Variants in ZEB1 observed in about 807,000 individuals in gnomAD.
ZEB1 encodes zinc finger E-box binding homeobox 1.
A neutral mutation model predicts 84.9 loss-of-function variants in ZEB1; 21 were observed. That is an observed-to-expected ratio of 0.25 (90% confidence interval 0.18 to 0.36). The LOEUF is 0.36. Among genes scored for constraint, ZEB1 ranks in the 10% least tolerant of loss-of-function variants. The pLI is 1.00. For missense variants in ZEB1, 1,104 were observed against 1,330.2 expected, an observed-to-expected ratio of 0.83 and a Z score of 2.65; for synonymous variants, 420 against 471.1, an observed-to-expected ratio of 0.89 and a Z score of 1.41.
intron 1 of ZEB1, among the ~76,000 whole-genome samples, chr10:31,377,568 A>G (rs1280668549): frequency 6.6e-6 from 1 of 151,844 alleles, no homozygotes; most frequent in Non-Finnish European, 1.5e-5. Flanking sequence ...ATTCTATTCT[A>G]AAAATTATTT....
intron 3 of ZEB1, among the ~76,000 whole-genome samples, chr10:31,501,745 A>G (rs2068170055): frequency 6.6e-6 from 1 of 152,160 alleles, no homozygotes. Context: ...TAATTTATAA[A>G]TTTTATACAG....
intron 1 of ZEB1, among the ~76,000 whole-genome samples, chr10:31,381,434 A>G (rs370823162): frequency 6.6e-6 from 1 of 152,228 alleles, no homozygotes; most frequent in Non-Finnish European, 1.5e-5. Context: ...ATTAACATCC[A>G]GTGTATTTGA....
chr10:31,406,339 A>G (rs921530025), intron 1 of ZEB1, among the ~76,000 whole-genome samples: 48 of 152,152 alleles, frequency 3.2e-4, no homozygotes, highest in African/African-American at 1.1e-3. Context: ...AGTTCTGCAC[A>G]TCCTCTCCAG....
At chr10:31,497,371 C>T (rs948899397) in intron 3 of ZEB1, among the ~76,000 whole-genome samples, 2 of 151,966 alleles carry the variant, frequency 1.3e-5, no homozygotes, top group Non-Finnish European at 2.9e-5. Context: ...TGTAAATTTC[C>T]TCAAAAAAGT....
intron 1 of ZEB1, among the ~76,000 whole-genome samples, chr10:31,337,147 A>C (rs144850518): frequency 2.6e-5 from 4 of 152,334 alleles, no homozygotes; most frequent in East Asian, 1.9e-4. Flanking sequence ...AACAACTTGG[A>C]TCATCCTAGG....
chr10:31,473,633 C>T (rs1185983954), intron 2 of ZEB1, among the ~76,000 whole-genome samples: 3 of 148,940 alleles, frequency 2.0e-5, no homozygotes. Context: ...GGCCATACTG[C>T]CCAAGGTAAT....
At chr10:31,360,648 A>G (rs777733187) in intron 1 of ZEB1, among the ~76,000 whole-genome samples, 1 of 152,264 alleles carries the variant, frequency 6.6e-6, no homozygotes, top group Non-Finnish European at 1.5e-5. Context: ...GACTGAAAAT[A>G]TAAATTTAGA....
intron 1 of ZEB1, among the ~76,000 whole-genome samples, chr10:31,447,861 C>T (rs1398803539): frequency 1.3e-5 from 2 of 152,162 alleles, no homozygotes; most frequent in African/African-American, 2.4e-5. Flanking sequence ...TCCTTCATTT[C>T]AACTTTGGTG....
chr10:31,321,540 G>A (rs774304069), intron 1 of ZEB1: 3 of 1,614,012 alleles, frequency 1.9e-6, no homozygotes, highest in Admixed American at 3.3e-5. Flanking sequence ...AAGGTAAGTT[G>A]GTTCGGAAAG....
intron 1 of ZEB1, among the ~76,000 whole-genome samples, chr10:31,337,570 G>A (rs185097181): frequency 1.1e-4 from 16 of 151,098 alleles, no homozygotes; most frequent in African/African-American, 3.6e-4. Context: ...TCCTATGTAC[G>A]TATGTTTAAT....
intron 2 of ZEB1, among the ~76,000 whole-genome samples, chr10:31,466,507 A>G (rs1376275835): frequency 6.6e-6 from 1 of 152,250 alleles, no homozygotes; most frequent in Non-Finnish European, 1.5e-5. Flanking sequence ...ACACTCCTGA[A>G]CAACCAAAGG....
intron 1 of ZEB1, among the ~76,000 whole-genome samples, chr10:31,434,187 T>G (rs2058043437): frequency 6.6e-6 from 1 of 152,236 alleles, no homozygotes; most frequent in Non-Finnish European, 1.5e-5. Context: ...GTGGGCAATA[T>G]GTAATGTTTA....
At chr10:31,368,194 G>A (rs892572913) in intron 1 of ZEB1, among the ~76,000 whole-genome samples, 3 of 151,818 alleles carry the variant, frequency 2.0e-5, no homozygotes, top group African/African-American at 2.4e-5. Flanking sequence ...TTGCTCTGTC[G>A]CGCAGGCTTG....
chr10:31,442,611 G>C (rs1410086066), intron 1 of ZEB1, among the ~76,000 whole-genome samples: 1 of 151,922 alleles, frequency 6.6e-6, no homozygotes, highest in East Asian at 1.9e-4. Flanking sequence ...TAGATAATTT[G>C]GGATTCATAG....
chr10:31,389,675 C>G (rs893761744), intron 1 of ZEB1: 2 of 151,628 alleles, frequency 1.3e-5, no homozygotes, highest in African/African-American at 2.4e-5. Flanking sequence ...AAAGATAATT[C>G]GAGCCATAAA....
chr10:31,322,268 T>C (rs997541249), intron 1 of ZEB1, among the ~76,000 whole-genome samples: 1 of 152,254 alleles, frequency 6.6e-6, no homozygotes, highest in South Asian at 2.1e-4. Context: ...TTAATATTTC[T>C]TAGCAGTGCA....
rs1160633676 is a variant in ZEB1 at position 31,432,706 on chromosome 10, G to A, written c.59-28331G>A. ...AACCCTTCATTTAAAAGTGATTTAC[G>A]GCCCCAGAGTGCTTTTGACTATGTG... On this transcript the variant is annotated intron_variant, in intron 1 of 8. Transcript: ENST00000424869. Among the ~76,000 whole-genome samples the A allele has an allele frequency of 2.0e-5, 3 of 152,048 alleles. No individual in the cohort carries two copies. The East Asian group carries it at 5.8e-4, about 29-fold the overall frequency.
chr10:31,331,318 C>T (rs2036736911), intron 1 of ZEB1, among the ~76,000 whole-genome samples: 1 of 151,952 alleles, frequency 6.6e-6, no homozygotes, highest in African/African-American at 2.4e-5. Context: ...CATCTCCTGA[C>T]ATCGTGATCT....
intron 2 of ZEB1, among the ~76,000 whole-genome samples, chr10:31,463,443 C>T (rs182949320): frequency 8.8e-4 from 134 of 152,240 alleles, no homozygotes; most frequent in Admixed American, 2.9e-3. Flanking sequence ...TCATAGAAGA[C>T]ACTTTGGTCC....
Sources: allele counts gnomAD v4.1 joint callset (sites outside exome capture counted in the v4.1 genomes callset), GRCh38; gene constraint gnomAD v4.1.1; transcripts MANE v1.5; gene names NCBI Gene and HGNC (gene_info 2026-07-23, HGNC 2026-07-21).